Variants in ABCC5 observed in about 807,000 individuals in gnomAD.
ABCC5 encodes ATP-binding cassette sub-family C member 5.
Under a neutral mutation model 160.9 loss-of-function variants are expected in ABCC5, and 61 were observed. That is an observed-to-expected ratio of 0.38 (90% CI 0.31 to 0.47). The LOEUF is 0.47. ABCC5 is among the 20% of genes least tolerant of loss of function. ABCC5 has a pLI of 0.99. For missense variants in ABCC5, 1,308 were observed against 1,813.3 expected (o/e 0.72, Z 5.06); for synonymous variants, 666 against 700.6 (o/e 0.95, Z 0.78).
In ABCC5 at chr3:183,938,157, T is replaced by C. The variant is rs530632560; in HGVS notation, c.3695-97A>G. On this transcript the variant is annotated intron_variant, in intron 25 of 29. Coordinates refer to ENST00000334444, the MANE Select transcript of ABCC5 (RefSeq NM_005688.4). ...AGGGCAATGCCAACTATTTTTCCAT[T>C]TCTATTCAGTTGTTATTTCAACTGA... is the stretch of plus-strand genomic sequence containing the variant. 3,088 of 1,216,738 alleles carry C rather than the reference T, an allele frequency of 2.5e-3. 9 individuals carry two copies. The highest frequency in any genetic ancestry group is 3.7e-3 in the Admixed American group (167 of 45,530). The allele number at this position is 1,216,738 out of a possible 1,614,324, so 75.4% of individuals were successfully genotyped here. A position where few individuals can be genotyped will look rare whatever the true frequency, so the allele number is the denominator to read the frequency against.
intron 17 of ABCC5, among the ~76,000 whole-genome samples, chr3:183,957,203 T>G (rs1342014745): frequency 1.8e-4 from 13 of 73,348 alleles, no homozygotes; most frequent in African/African-American, 2.5e-4. Context: ...GTTACATGCT[T>G]ATCCGTGTGT....
intron 14 of ABCC5, among the ~76,000 whole-genome samples, chr3:183,964,170 A>G (rs1177147163): frequency 2.0e-5 from 3 of 151,554 alleles, no homozygotes; most frequent in Admixed American, 1.3e-4. Context: ...ATCTCCCCCA[A>G]CCTCTTTCCC....
intron 26 of ABCC5, among the ~76,000 whole-genome samples, chr3:183,935,465 C>T (rs1053412587): frequency 6.6e-6 from 1 of 151,622 alleles, no homozygotes; most frequent in African/African-American, 2.4e-5. Context: ...CAGGTGTGAG[C>T]CACCGCACTC....
At chr3:183,985,796 C>T (rs566812586) in intron 5 of ABCC5, 1 of 223,936 alleles carries the variant, frequency 4.5e-6, no homozygotes, top group Non-Finnish European at 9.1e-6. Context: ...CAGTCCCCAC[C>T]GGCGTCACCA....
Position 183,982,801 on chromosome 3 carries a change from CTT to C in ABCC5, c.796_797del (p.Lys266GlufsTer3). ...CACCCAGGGATTTCTCTTTAATGTTCTTTAACTTAAGGATCTTCTTAAATGCC... is the reference window on the plus strand; with the variant it reads ...CACCCAGGGATTTCTCTTTAATGTTCTAACTTAAGGATCTTCTTAAATGCC... Reference protein sequence around the residue: ...TMAFKKILKLKNIKEKSLGEL... With the variant: ...TMAFKKILKLXNIKEKSLGEL... On this transcript the variant is annotated frameshift_variant, in exon 6 of 30. Coordinates refer to ENST00000334444, the MANE Select transcript of ABCC5 (RefSeq NM_005688.4). LOFTEE classifies it high-confidence loss of function. This position sits in a 1 kb window ranked among gnomAD's most constrained non-coding sequence, Gnocchi z 5.2. 6.2e-7 allele frequency: 1 copy of C among 1,614,194 alleles called. No homozygotes were observed. The highest frequency in any genetic ancestry group is 8.5e-7 in the Non-Finnish European group (1 of 1,180,036).
At chr3:184,002,017 T>C (rs1720782552) in intron 2 of ABCC5, among the ~76,000 whole-genome samples, 1 of 152,172 alleles carries the variant, frequency 6.6e-6, no homozygotes, top group Non-Finnish European at 1.5e-5. Context: ...CCCATGACTA[T>C]GTGACTAGGA....
chr3:183,925,431 T>C, intron 29 of ABCC5, 124 bp downstream of exon 29: 1 of 947,234 alleles, frequency 1.1e-6, no homozygotes, highest in Non-Finnish European at 1.5e-6. Flanking sequence ...AGCAAGTAAA[T>C]AGCGCTGCTG....
chr3:183,951,341 G>T lies in ABCC5; in HGVS notation c.2944+100C>A. ...AACACCAGCAGTCACTGTGCTCTCA[G>T]GATCTACAGACAGACAGATCTGCAC... On this transcript the variant is annotated intron_variant, in intron 20 of 29. Transcript: ENST00000334444. This position sits in a 1 kb window ranked among gnomAD's most constrained non-coding sequence, Gnocchi z 4.7. 1 of 1,475,758 alleles carries T rather than the reference G, an allele frequency of 6.8e-7. No individual in the cohort carries two copies. The highest frequency in any genetic ancestry group is 1.4e-5 in the African/African-American group (1 of 71,340). 91.4% of individuals were successfully genotyped at this position (1,475,758 alleles called of 1,614,324 possible).
At chr3:183,946,462 G>C (rs898671283) in intron 23 of ABCC5, among the ~76,000 whole-genome samples, 46 of 152,164 alleles carry the variant, frequency 3.0e-4, no homozygotes, top group African/African-American at 1.1e-3. Context: ...AATGTGGCTG[G>C]ACATCTCGGG....
At chr3:183,950,357 C>T (rs956638895) in intron 20 of ABCC5, among the ~76,000 whole-genome samples, 1 of 151,974 alleles carries the variant, frequency 6.6e-6, no homozygotes, top group Non-Finnish European at 1.5e-5. Flanking sequence ...TGCCCCACTG[C>T]TTTAAACATT....
chr3:183,939,364 C>T (rs1411685646), intron 25 of ABCC5, among the ~76,000 whole-genome samples: 1 of 152,142 alleles, frequency 6.6e-6, no homozygotes, highest in African/African-American at 2.4e-5. Flanking sequence ...ACCTGGGAGG[C>T]GGAGGTTGCA....
At position 183,987,598 on chromosome 3, in the gene ABCC5, C is replaced by T; in HGVS notation, c.591+172G>A. The T allele has an allele frequency of 1.2e-6, 1 of 841,748 alleles. No homozygotes were observed. The highest frequency in any genetic ancestry group is 1.5e-5 in the South Asian group (1 of 65,740). The allele number at this position is 841,748 out of a possible 1,614,324, so 52.1% of individuals were successfully genotyped here. A position where few individuals can be genotyped will look rare whatever the true frequency, so the allele number is the denominator to read the frequency against. On this transcript the variant is annotated intron_variant, in intron 5 of 29. Transcript: ENST00000334444. The surrounding 1 kb of genome is among the most constrained non-coding windows in gnomAD (Gnocchi z 4.2). ...TTCTTCTCTGGCAACACTGCCCTTT[C>T]ATCCTTCCAGCTGTTGCCAAAATCC...
chr3:184,001,907 C>T (rs564384377), intron 2 of ABCC5, among the ~76,000 whole-genome samples: 1 of 152,306 alleles, frequency 6.6e-6, no homozygotes, highest in Non-Finnish European at 1.5e-5. Flanking sequence ...CACAGAAAGG[C>T]ACCCACAGCA....
At chr3:183,967,079 C>A (rs1031981578) in intron 12 of ABCC5, among the ~76,000 whole-genome samples, 1 of 151,106 alleles carries the variant, frequency 6.6e-6, no homozygotes, top group Non-Finnish European at 1.5e-5. Context: ...TGGGATGACT[C>A]CGGCCCCATC....
intron 2 of ABCC5, among the ~76,000 whole-genome samples, chr3:183,995,479 C>T (rs773335581): frequency 9.9e-5 from 15 of 152,110 alleles, no homozygotes; most frequent in South Asian, 4.1e-4. Context: ...TGTAAGGTTT[C>T]GGCAAAGGTT....
At chr3:183,936,232 C>T (rs1713706433) in intron 26 of ABCC5, among the ~76,000 whole-genome samples, 1 of 152,076 alleles carries the variant, frequency 6.6e-6, no homozygotes, top group African/African-American at 2.4e-5. Flanking sequence ...CATCTGCAAA[C>T]CAGGAAGACG....
At chr3:183,952,475 G>T (rs1000335098) in intron 18 of ABCC5, among the ~76,000 whole-genome samples, 5 of 152,098 alleles carry the variant, frequency 3.3e-5, no homozygotes, top group African/African-American at 1.2e-4. Flanking sequence ...ATGTCATATG[G>T]TTTGGCTTTG....
chr3:183,984,865 G>A (rs772026174), intron 5 of ABCC5: 10 of 1,584,140 alleles, frequency 6.3e-6, no homozygotes, highest in Admixed American at 3.4e-5. Flanking sequence ...CACACACCTC[G>A]GCACTGATGG....
At chr3:183,945,724 G>T (rs574148015) in intron 24 of ABCC5, 126 bp downstream of exon 24, 512 of 752,494 alleles carry the variant, frequency 6.8e-4, no homozygotes, top group Middle Eastern at 3.0e-3. Flanking sequence ...GAGATTGCTG[G>T]AGATTCTGTG....
Sources: gnomAD v4.1 joint callset for allele counts (sites outside exome capture counted in the v4.1 genomes callset) on GRCh38, gnomAD v4.1.1 for gene constraint, Gnocchi (gnomAD v3.1) non-coding constraint, MANE v1.5 for transcripts, NCBI Gene and HGNC (gene_info 2026-07-23, HGNC 2026-07-21) for gene names.